Variants in EIF4ENIF1 observed in about 807,000 individuals in gnomAD.
EIF4ENIF1 encodes the protein eukaryotic translation initiation factor 4E nuclear import factor 1, also known as eukaryotic translation initiation factor 4E transporter.
Under a neutral mutation model 110.5 loss-of-function variants are expected in EIF4ENIF1, and 23 were observed. That is an observed-to-expected ratio of 0.21 (90% confidence interval 0.15 to 0.29). EIF4ENIF1 has a LOEUF of 0.29. Among genes scored for constraint, EIF4ENIF1 ranks in the 10% least tolerant of loss-of-function variants. The pLI is 1.00. For synonymous variants in EIF4ENIF1, 440 were observed against 437.0 expected (o/e 1.01, Z -0.09); for missense variants, 1,031 against 1,221.1 (o/e 0.84, Z 2.32).
At chr22:31,487,780 G>C (rs1052161349) in intron 2 of EIF4ENIF1, among the ~76,000 whole-genome samples, 1 of 132,808 alleles carries the variant, frequency 7.5e-6, no homozygotes, top group Non-Finnish European at 1.6e-5. Context: ...ACAAAGTGAC[G>C]CCCTGTCGGG....
chr22:31,475,491 C>T lies in EIF4ENIF1; in HGVS notation c.97-3574G>A, dbSNP rs191880182. 3.5e-4 allele frequency among the ~76,000 whole-genome samples: 53 copies of T among 152,254 alleles called. No homozygotes were observed. The East Asian group carries it at 7.7e-3, about 22-fold the overall frequency. On this transcript the variant is annotated intron_variant, in intron 2 of 18. Transcript: ENST00000330125. Reference sequence around the variant, plus strand: ...AGTGGGCCGGGCACAGTGGCTCACGCCTGTAATCCCAGCACTATAGGAGGC... The same window carrying T: ...AGTGGGCCGGGCACAGTGGCTCACGTCTGTAATCCCAGCACTATAGGAGGC...
intron 10 of EIF4ENIF1, chr22:31,450,970 T>C: frequency 6.5e-6 from 1 of 153,832 alleles, no homozygotes; most frequent in Non-Finnish European, 1.4e-5. Context: ...AGCCTTGACC[T>C]CTCAGACACA....
chr22:31,438,097 G>A (rs2050199811), downstream of EIF4ENIF1, among the ~76,000 whole-genome samples: 1 of 152,178 alleles, frequency 6.6e-6, no homozygotes, highest in Non-Finnish European at 1.5e-5. Flanking sequence ...GGCTGCCCAA[G>A]ACTCTACTAC....
chr22:31,468,032 G>A lies in EIF4ENIF1; in HGVS notation c.298+143C>T. 4 of 1,255,460 alleles carry A rather than the reference G, an allele frequency of 3.2e-6. No individual in the cohort carries two copies. The South Asian group carries it at 6.1e-5, about 19-fold the overall frequency. 77.8% of individuals were successfully genotyped at this position (1,255,460 alleles called of 1,614,324 possible). A position where few individuals can be genotyped will look rare whatever the true frequency, so the allele number is the denominator to read the frequency against. ...GACTATGACTTTACCCTGCTGATTA[G>A]GAAAAATCCAACCGATAAATCAGTT... On this transcript the variant is annotated intron_variant, in intron 4 of 18. Transcript: ENST00000330125.
At chr22:31,484,763 C>A (rs5753650) in intron 2 of EIF4ENIF1, among the ~76,000 whole-genome samples, 2 of 151,602 alleles carry the variant, frequency 1.3e-5, no homozygotes, top group African/African-American at 4.9e-5. Flanking sequence ...GAACCTGGGG[C>A]GGAGGTTGCG....
upstream of EIF4ENIF1, among the ~76,000 whole-genome samples, chr22:31,490,752 A>G (rs1051583754): frequency 3.9e-5 from 6 of 152,178 alleles, no homozygotes; most frequent in African/African-American, 1.4e-4. Context: ...ATGTGCTGGA[A>G]TACCACAAGC....
intron 4 of EIF4ENIF1, among the ~76,000 whole-genome samples, chr22:31,465,642 G>A (rs946945290): frequency 2.0e-5 from 3 of 152,262 alleles, no homozygotes; most frequent in South Asian, 4.1e-4. Context: ...ACATACATCT[G>A]CTATACAACC....
At chr22:31,466,243 T>C (rs1477681480) in intron 4 of EIF4ENIF1, among the ~76,000 whole-genome samples, 2 of 152,186 alleles carry the variant, frequency 1.3e-5, no homozygotes, top group South Asian at 2.1e-4. Context: ...TGAAACCCTG[T>C]CTCTACTAAA....
chr22:31,450,194 C>T (rs2050602560), intron 11 of EIF4ENIF1, 95 bp downstream of exon 11: 1 of 944,444 alleles, frequency 1.1e-6, no homozygotes, highest in Admixed American at 2.1e-5. Flanking sequence ...CAACACAGAT[C>T]ATTTTCTAAG....
At chr22:31,454,076 T>G in intron 10 of EIF4ENIF1, 68 bp downstream of exon 10, 3 of 1,417,532 alleles carry the variant, frequency 2.1e-6, no homozygotes, top group Non-Finnish European at 2.9e-6. Context: ...TAAAAATCCT[T>G]TTATTGTGGT....
chr22:31,471,936 T>C lies in EIF4ENIF1; in HGVS notation c.97-19A>G, dbSNP rs932015849. On this transcript the variant is annotated intron_variant, in intron 2 of 18. Coordinates refer to ENST00000330125, the MANE Select transcript of EIF4ENIF1 (RefSeq NM_019843.4). ...GTTCTTCCTAAAAAGAGAAGTCAAA[T>C]AGTCATTTTGAATTACATTTCTTAG... The C allele has an allele frequency of 2.5e-6, 4 of 1,578,516 alleles. No homozygotes were observed. The highest frequency in any genetic ancestry group is 1.7e-6 in the Non-Finnish European group (2 of 1,161,958).
In EIF4ENIF1 at chr22:31,439,469, C is replaced by T. The variant is rs565136843; in HGVS notation, c.*411G>A. ...CTGTTGACACAGGCCTAACTAATAT[C>T]AGCTACTTTTATGTACAGCTGTATA... On this transcript the variant is annotated 3_prime_UTR_variant, in exon 19 of 19. Coordinates refer to ENST00000330125, the MANE Select transcript of EIF4ENIF1 (RefSeq NM_019843.4). 4.3e-5 allele frequency: 7 copies of T among 162,422 alleles called. No homozygotes were observed. The East Asian group carries it at 1.3e-3, about 30-fold the overall frequency. The allele number at this position is 162,422 out of a possible 1,614,324, so 10.1% of individuals were successfully genotyped here.
At position 31,457,751 on chromosome 22, in the gene EIF4ENIF1, A is replaced by C. The variant is rs547518563; in HGVS notation, c.963+724T>G. On this transcript the variant is annotated intron_variant, in intron 7 of 18. Transcript: ENST00000330125. ...TTGTTTCCAGAATTTCTATTTTCAGAGGAATTATCTAGACAATTTCAATCA... is the reference window on the plus strand; with the variant it reads ...TTGTTTCCAGAATTTCTATTTTCAGCGGAATTATCTAGACAATTTCAATCA... Among the ~76,000 whole-genome samples the C allele has an allele frequency of 5.7e-4, 87 of 152,338 alleles. 1 individual carries two copies. The highest frequency in any genetic ancestry group is 2.0e-3 in the African/African-American group (83 of 41,590).
In EIF4ENIF1 at chr22:31,447,411, G is replaced by T; in HGVS notation, c.1988+15C>A. On this transcript the variant is annotated intron_variant, in intron 14 of 18. Coordinates refer to ENST00000330125, the MANE Select transcript of EIF4ENIF1 (RefSeq NM_019843.4). ...TTATCCGTAAATCTCCACATGAGCA[G>T]GATTAGTAATTTACCTGTTTCTGAA... 1 of 1,608,450 alleles carries T rather than the reference G, an allele frequency of 6.2e-7. No homozygotes were observed. The highest frequency in any genetic ancestry group is 1.1e-5 in the South Asian group (1 of 89,770).
chr22:31,447,256 A>G (rs1160974649), intron 14 of EIF4ENIF1, among the ~76,000 whole-genome samples, 170 bp downstream of exon 14: 1 of 152,218 alleles, frequency 6.6e-6, no homozygotes, highest in Non-Finnish European at 1.5e-5. Flanking sequence ...ATTTAATCAT[A>G]TTTCCGCTAT....
chr22:31,490,152 G>A (rs901621385), upstream of EIF4ENIF1, among the ~76,000 whole-genome samples: 2 of 152,350 alleles, frequency 1.3e-5, no homozygotes, highest in East Asian at 3.9e-4. Context: ...CGCGCTGCAG[G>A]GCAGAGCGGA....
rs1338881976 is a variant in EIF4ENIF1, at chr22:31,439,559, T to G, written c.*321A>C. On this transcript the variant is annotated 3_prime_UTR_variant, in exon 19 of 19. Transcript: ENST00000330125. ...TTATACACAGGTCTGTACATAAGGG[T>G]CTATACATTTATTTCCTCAGAACCC... 3 of 345,844 alleles carry G rather than the reference T, an allele frequency of 8.7e-6. No homozygotes were observed. Among genetic ancestry groups the G allele is most frequent in the Admixed American group, 9.2e-5 (2 of 21,854 alleles). 21.4% of individuals were successfully genotyped at this position (345,844 alleles called of 1,614,324 possible).
At chr22:31,455,025 CAATA>C in intron 9 of EIF4ENIF1, 107 bp downstream of exon 9, 1 of 900,234 alleles carries the variant, frequency 1.1e-6, no homozygotes, top group African/African-American at 1.7e-5. Context: ...AACAAAAACC[CAATA>C]TATATTTGAC....
At position 31,455,217 on chromosome 22, in the gene EIF4ENIF1, C is replaced by G; in HGVS notation, c.1198G>C (p.Glu400Gln). The G allele has an allele frequency of 6.2e-7, 1 of 1,613,910 alleles. No individual in the cohort carries two copies. Among genetic ancestry groups the G allele is most frequent in the Non-Finnish European group, 8.5e-7 (1 of 1,179,956 alleles). Residue 400 changes from glutamate to glutamine, a missense_variant, in exon 9 of 19, where the codon GAA becomes CAA. Glu to Gln is a conservative substitution (Grantham distance 29). This residue lies in a region of EIF4ENIF1 where 704 missense variants were observed against 879.7 expected (regional missense o/e 0.80). Transcript: ENST00000330125. ...DHAENKVDILEMLQKAKVDLK... is the reference protein window; with the variant it reads ...DHAENKVDILQMLQKAKVDLK... ...TCCACTTTGGCTTTCTGTAGCATTT[C>G]TAAAATATCCACTTTATTTTCAGCA...
Sources: gnomAD v4.1 joint callset for allele counts (sites outside exome capture counted in the v4.1 genomes callset) on GRCh38, gnomAD v4.1.1 for gene constraint, gnomAD v4.1.1 regional missense constraint, MANE v1.5 for transcripts, NCBI Gene and HGNC (gene_info 2026-07-23, HGNC 2026-07-21) for gene names.